Variants in TCERG1L observed in about 807,000 individuals in gnomAD.
TCERG1L encodes transcription elongation regulator 1-like protein.
A neutral mutation model predicts 56.3 loss-of-function variants in TCERG1L; 37 were observed. The ratio of observed to expected loss-of-function variants is 0.66; its 90% CI spans 0.51 to 0.87. The LOEUF (loss-of-function observed/expected upper bound fraction) is 0.87. Among genes scored for constraint, TCERG1L ranks in the 40% least tolerant of loss-of-function variants. TCERG1L has a pLI of 0.00. For missense variants in TCERG1L, 799 were observed against 774.2 expected, an observed-to-expected ratio of 1.03 and a Z score of -0.38; for synonymous variants, 324 against 326.3, an observed-to-expected ratio of 0.99 and a Z score of 0.08.
chr10:131,289,907 T>C (rs1262300404), intron 3 of TCERG1L, among the ~76,000 whole-genome samples: 2 of 10,724 alleles, frequency 1.9e-4, no homozygotes, highest in Non-Finnish European at 2.8e-4. Flanking sequence ...TATCGGTGTG[T>C]GTGTGTATGT....
chr10:131,099,555 G>A (rs1845284718), intron 10 of TCERG1L, among the ~76,000 whole-genome samples: 1 of 152,230 alleles, frequency 6.6e-6, no homozygotes, highest in Admixed American at 6.5e-5. Context: ...CCTAGAATGT[G>A]ACCGAGGACC....
intron 4 of TCERG1L, among the ~76,000 whole-genome samples, chr10:131,237,187 C>A (rs1159956824): frequency 6.6e-6 from 1 of 152,084 alleles, no homozygotes; most frequent in Non-Finnish European, 1.5e-5. Context: ...TCCCCAGAGA[C>A]CCACTTAGCA....
At chr10:131,167,317 C>T (rs1032126280) in intron 4 of TCERG1L, among the ~76,000 whole-genome samples, 3 of 152,202 alleles carry the variant, frequency 2.0e-5, no homozygotes, top group East Asian at 1.9e-4. Context: ...CCCTCACACT[C>T]GCAGCCCAGT....
At chr10:131,262,314 C>A (rs1341812536) in intron 3 of TCERG1L, among the ~76,000 whole-genome samples, 1 of 152,114 alleles carries the variant, frequency 6.6e-6, no homozygotes, top group Admixed American at 6.5e-5. Flanking sequence ...TCAAGGAAGA[C>A]ATCCAGGCTA....
intron 4 of TCERG1L, among the ~76,000 whole-genome samples, chr10:131,252,305 G>A (rs1042039561): frequency 6.6e-6 from 1 of 152,074 alleles, no homozygotes; most frequent in African/African-American, 2.4e-5. Context: ...CCTGCCACAC[G>A]GTTGTCCACA....
chr10:131,161,527 G>A (rs1845976898), intron 6 of TCERG1L: 1 of 152,192 alleles, frequency 6.6e-6, no homozygotes, highest in Non-Finnish European at 1.5e-5. Context: ...CCCTGACCTG[G>A]TAGGAATAAC....
intron 4 of TCERG1L, among the ~76,000 whole-genome samples, chr10:131,218,618 T>A (rs2918158): frequency 6.6e-6 from 1 of 152,072 alleles, no homozygotes. Flanking sequence ...CTCAGCCTGC[T>A]GAGTAGCTGG....
chr10:131,157,048 C>T (rs1054751981), intron 6 of TCERG1L, among the ~76,000 whole-genome samples: 9 of 152,220 alleles, frequency 5.9e-5, no homozygotes, highest in Non-Finnish European at 8.8e-5. Context: ...GGCTTCTGGG[C>T]TAGGCACACC....
At chr10:131,167,874 G>C (rs373233911) in intron 4 of TCERG1L, among the ~76,000 whole-genome samples, 22 of 152,262 alleles carry the variant, frequency 1.4e-4, no homozygotes, top group Middle Eastern at 3.4e-3. Context: ...TAGATTCAGG[G>C]AAAAACAGTA....
chr10:131,258,714 C>T (rs549960700), intron 4 of TCERG1L, among the ~76,000 whole-genome samples: 4 of 152,276 alleles, frequency 2.6e-5, no homozygotes, highest in African/African-American at 4.8e-5. Flanking sequence ...GGACAGATAA[C>T]GTTGGTGCTG....
chr10:131,154,976 T>C (rs1433755887), intron 6 of TCERG1L, among the ~76,000 whole-genome samples: 1 of 152,190 alleles, frequency 6.6e-6, no homozygotes, highest in East Asian at 1.9e-4. Context: ...CAGAAGGTGC[T>C]CCAGGCGCTG....
intron 4 of TCERG1L, among the ~76,000 whole-genome samples, chr10:131,171,458 G>T (rs1846092336): frequency 6.6e-6 from 1 of 152,204 alleles, no homozygotes; most frequent in African/African-American, 2.4e-5. Flanking sequence ...ATCACCTGGG[G>T]TCAGGCCTCA....
chr10:131,105,142 G>T (rs1436885125), intron 9 of TCERG1L, among the ~76,000 whole-genome samples: 1 of 152,238 alleles, frequency 6.6e-6, no homozygotes, highest in Non-Finnish European at 1.5e-5. Flanking sequence ...ACACTCCTCA[G>T]TTGGGATTTG....
intron 4 of TCERG1L, among the ~76,000 whole-genome samples, chr10:131,258,708 A>T (rs1216889109): frequency 1.3e-5 from 2 of 152,232 alleles, no homozygotes; most frequent in Non-Finnish European, 2.9e-5. Flanking sequence ...TCTACAGGAC[A>T]GATAACGTTG....
chr10:131,235,391 G>A (rs769223155), intron 4 of TCERG1L, among the ~76,000 whole-genome samples: 5 of 152,306 alleles, frequency 3.3e-5, no homozygotes, highest in East Asian at 1.9e-4. Flanking sequence ...AAACCACAGG[G>A]CAGCATCTAT....
At chr10:131,256,976 GGAAGGAAGGAAGGAAGGAAAGAAA>G (rs1350160979) in intron 4 of TCERG1L, among the ~76,000 whole-genome samples, 16 of 69,666 alleles carry the variant, frequency 2.3e-4, no homozygotes, top group South Asian at 4.8e-4. Flanking sequence ...AAGGAAGGAA[GGAAGGAAGGAAGGAAGGAAAGAAA>G]GAAAGAAAGA....
intron 4 of TCERG1L, among the ~76,000 whole-genome samples, chr10:131,168,458 T>C (rs1326464920): frequency 6.6e-6 from 1 of 152,188 alleles, no homozygotes; most frequent in Non-Finnish European, 1.5e-5. Context: ...CCCAGCACCC[T>C]TGGGAGGAAG....
intron 10 of TCERG1L, among the ~76,000 whole-genome samples, chr10:131,099,447 C>T (rs546297859): frequency 1.1e-4 from 17 of 152,184 alleles, no homozygotes; most frequent in African/African-American, 2.9e-4. Context: ...TAAGTGTTTA[C>T]GCAAACATAA....
At chr10:131,231,727 A>G (rs542870574) in intron 4 of TCERG1L, among the ~76,000 whole-genome samples, 3 of 152,162 alleles carry the variant, frequency 2.0e-5, no homozygotes, top group South Asian at 2.1e-4. Flanking sequence ...CGTGGGGGGA[A>G]GTCAGTGCTA....
Sources: allele counts gnomAD v4.1 joint callset (sites outside exome capture counted in the v4.1 genomes callset), GRCh38; gene constraint gnomAD v4.1.1; transcripts MANE v1.5; gene names NCBI Gene and HGNC (gene_info 2026-07-23, HGNC 2026-07-21).